Variants in PLA2G6 observed in about 807,000 individuals in gnomAD.
PLA2G6 encodes phospholipase A2 group VI, also known as 85/88 kDa calcium-independent phospholipase A2.
PLA2G6 carries 62 observed loss-of-function variants against 83.8 expected under a neutral mutation model. The ratio of observed to expected loss-of-function variants is 0.74; its 90% CI spans 0.60 to 0.91. The LOEUF is 0.91. PLA2G6 is among the 40% of genes least tolerant of loss of function. The probability of loss-of-function intolerance (pLI) is 0.00; values close to 1 mark genes in which losing one functional copy is unlikely to be tolerated. For missense variants in PLA2G6, 944 were observed against 1,102.0 expected (o/e 0.86, Z 2.03); for synonymous variants, 417 against 449.8 (o/e 0.93, Z 0.92).
Position 38,123,028 on chromosome 22 carries a change from CA to C in PLA2G6, c.1591+66del. 6.9e-7 allele frequency: 1 copy of C among 1,456,752 alleles called. No homozygotes were observed. Among genetic ancestry groups the C allele is most frequent in the Non-Finnish European group, 9.3e-7 (1 of 1,072,030 alleles). The allele number at this position is 1,456,752 out of a possible 1,614,324, so 90.2% of individuals were successfully genotyped here. ...CTCTCTTTTTGCAAAGCCCTGAAGACAAACTCGGCCCCTTGAGGACACAGGT... is the reference window on the plus strand; with the variant it reads ...CTCTCTTTTTGCAAAGCCCTGAAGACAACTCGGCCCCTTGAGGACACAGGT... On this transcript the variant is annotated intron_variant, in intron 11 of 16. Coordinates refer to ENST00000332509, the MANE Select transcript of PLA2G6 (RefSeq NM_003560.4). The surrounding 1 kb of genome is among the most constrained non-coding windows in gnomAD (Gnocchi z 4.1).
chr22:38,166,068 C>G (rs990442886), intron 2 of PLA2G6, among the ~76,000 whole-genome samples: 3 of 152,050 alleles, frequency 2.0e-5, no homozygotes, highest in Non-Finnish European at 4.4e-5. Flanking sequence ...TCTGGAGAAG[C>G]GAGCCAGCAG....
At chr22:38,115,817 A>G in intron 13 of PLA2G6, 136 bp from the exon 14 acceptor site, 2 of 1,479,128 alleles carry the variant, frequency 1.4e-6, no homozygotes, top group African/African-American at 2.8e-5. Context: ...CAGAAGCAGG[A>G]CCCACGAAGC....
chr22:38,151,885 C>T (rs963792278), intron 2 of PLA2G6, among the ~76,000 whole-genome samples: 2 of 152,196 alleles, frequency 1.3e-5, no homozygotes, highest in Non-Finnish European at 2.9e-5. Flanking sequence ...CAAAGTTTTG[C>T]TCCAGAAGAA....
chr22:38,129,755 C>T (rs1265590640), intron 7 of PLA2G6, among the ~76,000 whole-genome samples, 193 bp from the exon 8 acceptor site: 1 of 152,154 alleles, frequency 6.6e-6, no homozygotes, highest in Non-Finnish European at 1.5e-5. Flanking sequence ...TGGCTGGGGA[C>T]CTGACAAACA....
chr22:38,145,586 G>C lies in PLA2G6; in HGVS notation c.277C>G (p.Pro93Ala). ...ACCTGAGGGGAGCTCTCATAGAAGG[G>C]TAGCAGCTGGGAAGAATACTGATGG... is the stretch of plus-strand genomic sequence containing the variant. Reference protein sequence around the residue: ...NFHQYSSQLLPFYESSPQVLH... With the variant: ...NFHQYSSQLLAFYESSPQVLH... Residue 93 changes from proline (P) to alanine (A), a missense_variant, in exon 3 of 17, where the codon CCC becomes GCC. Transcript: ENST00000332509. The C allele has an allele frequency of 6.2e-7, 1 of 1,613,948 alleles. No homozygotes were observed.
Position 38,145,512 on chromosome 22 carries a change from G to A in PLA2G6, c.351C>T (p.His117=), listed in dbSNP as rs1407001659. The change falls in exon 3 of 17, where the codon CAC becomes CAT. Residue 117 remains histidine (H), a synonymous_variant. Coordinates refer to ENST00000332509, the MANE Select transcript of PLA2G6 (RefSeq NM_003560.4). The part of the protein sequence containing the change: ...LQHLTDLIRN[H]PSWSVAHLAV... ...CCAGGTGGGCCACTGACCAGCTGGG[G>A]TGGTTACGGATGAGGTCGGTCAGGT... 2 of 1,613,328 alleles carry A rather than the reference G, an allele frequency of 1.2e-6. No homozygotes were observed. Among genetic ancestry groups the A allele is most frequent in the Non-Finnish European group, 1.7e-6 (2 of 1,179,806 alleles).
intron 1 of PLA2G6, among the ~76,000 whole-genome samples, chr22:38,172,561 A>C (rs1043314508): frequency 6.6e-6 from 1 of 152,162 alleles, no homozygotes; most frequent in East Asian, 1.9e-4. Flanking sequence ...ATGTAAAGCG[A>C]TTATAGTTTT....
intron 2 of PLA2G6, among the ~76,000 whole-genome samples, chr22:38,166,874 T>C (rs1195681364): frequency 1.3e-5 from 2 of 152,192 alleles, no homozygotes; most frequent in Non-Finnish European, 2.9e-5. Context: ...AAGGCTATTT[T>C]CTCATGCATA....
At chr22:38,163,002 G>C (rs570055286) in intron 2 of PLA2G6, among the ~76,000 whole-genome samples, 101 of 152,264 alleles carry the variant, frequency 6.6e-4, no homozygotes, top group African/African-American at 2.2e-3. Context: ...AGAAGCCTCT[G>C]CTGTGTCTCT....
intron 2 of PLA2G6, 49 bp from the exon 3 acceptor site, chr22:38,145,702 C>T (rs1476826315): frequency 3.0e-6 from 4 of 1,343,848 alleles, no homozygotes; most frequent in African/African-American, 1.4e-5. Flanking sequence ...TAAGGCGGGA[C>T]CCTCGGCCCA....
At chr22:38,180,818 A>G (rs755636913) in intron 1 of PLA2G6, among the ~76,000 whole-genome samples, 1 of 152,188 alleles carries the variant, frequency 6.6e-6, no homozygotes, top group Non-Finnish European at 1.5e-5. Context: ...GAGGAAACTG[A>G]GACTTGGACA....
chr22:38,119,009 G>A (rs1026484634), intron 12 of PLA2G6, among the ~76,000 whole-genome samples: 1 of 152,088 alleles, frequency 6.6e-6, no homozygotes, highest in Non-Finnish European at 1.5e-5. Flanking sequence ...TGATCCTCCT[G>A]CCTCAGCCTC....
chr22:38,136,878 T>C (rs1387148696), intron 5 of PLA2G6: 1 of 152,122 alleles, frequency 6.6e-6, no homozygotes, highest in Non-Finnish European at 1.5e-5. Context: ...ATCTGTTTTT[T>C]GTTTGTTTGT....
At chr22:38,125,782 A>C (rs1359061656) in intron 10 of PLA2G6, 1 of 460,910 alleles carries the variant, frequency 2.2e-6, no homozygotes, top group Non-Finnish European at 4.5e-6. Flanking sequence ...GCAGCAATCA[A>C]GGGAGGTGGC....
Position 38,169,246 on chromosome 22 carries a change from T to A in PLA2G6, c.181A>T (p.Asn61Tyr). 1.2e-6 allele frequency: 2 copies of A among 1,614,016 alleles called. No individual in the cohort carries two copies. The highest frequency in any genetic ancestry group is 1.7e-6 in the Non-Finnish European group (2 of 1,179,882). The change falls in exon 2 of 17, where the codon AAC becomes TAC. Residue 61 changes from asparagine to tyrosine, a missense_variant. Asn to Tyr is a moderately radical substitution (Grantham distance 143). Transcript: ENST00000332509. ...AATCCACTCTGTGAGTTCCTGGGGT[T>A]GACCAGGACGCAGTCCCAGGTGCGG... Reference protein sequence around the residue: ...PNRTWDCVLVNPRNSQSGFRL... With the variant: ...PNRTWDCVLVYPRNSQSGFRL...
At chr22:38,126,479 G>A in intron 9 of PLA2G6, 30 bp from the exon 10 acceptor site, 1 of 1,570,422 alleles carries the variant, frequency 6.4e-7, no homozygotes, top group South Asian at 1.1e-5. Flanking sequence ...GCATGCTGTG[G>A]TCAGGTGGGT....
At position 38,158,160 on chromosome 22, in the gene PLA2G6, TTTTTC is replaced by T. The variant is rs538632591; in HGVS notation, c.209+11053_209+11057del. Among the ~76,000 whole-genome samples, 481 of 151,826 alleles carry T rather than the reference TTTTTC, an allele frequency of 3.2e-3. 2 individuals carry two copies. The highest frequency in any genetic ancestry group is 0.014 in the Middle Eastern group (4 of 292). ...ATCATCATTGGGTCAAGATATTTTC[TTTTTC>T]TTTTCTTTTTTTTTTTTTTTTGAGA... On this transcript the variant is annotated intron_variant, in intron 2 of 16. Coordinates refer to ENST00000332509, the MANE Select transcript of PLA2G6 (RefSeq NM_003560.4).
chr22:38,125,241 T>C (rs2087778571), intron 10 of PLA2G6, among the ~76,000 whole-genome samples: 1 of 152,174 alleles, frequency 6.6e-6, no homozygotes. Context: ...TGTGTGTGCG[T>C]GTCCATGTGT....
chr22:38,132,951 C>G lies in PLA2G6; in HGVS notation c.957G>C (p.Thr319=), dbSNP rs11570679. 1 of 1,563,318 alleles carries G rather than the reference C, an allele frequency of 6.4e-7. No homozygotes were observed. Among genetic ancestry groups the G allele is most frequent in the Admixed American group, 1.9e-5 (1 of 52,622 alleles). ...NVNSTSSAGN[T]ALHVAVMRNR... ...TGCGCATCACCGCCACGTGCAGGGCCGTGTTCCCCGCGGAGCTGGTGCTGT... is the reference window on the plus strand; with the variant it reads ...TGCGCATCACCGCCACGTGCAGGGCGGTGTTCCCCGCGGAGCTGGTGCTGT... Residue 319 remains threonine, a synonymous_variant, in exon 7 of 17, where the codon ACG becomes ACC. Transcript: ENST00000332509. The surrounding 1 kb of genome is among the most constrained non-coding windows in gnomAD (Gnocchi z 5.0).
Sources: allele counts gnomAD v4.1 joint callset (sites outside exome capture counted in the v4.1 genomes callset), GRCh38; gene constraint gnomAD v4.1.1; non-coding constraint Gnocchi (gnomAD v3.1); transcripts MANE v1.5; gene names NCBI Gene and HGNC (gene_info 2026-07-23, HGNC 2026-07-21).